ADAMTS12: variants seen among roughly 807,000 people sequenced by gnomAD.
ADAMTS12 encodes ADAM metallopeptidase with thrombospondin type 1 motif 12.
In ADAMTS12, 118 loss-of-function variants were observed where a neutral mutation model predicts 167.8. That is an observed-to-expected ratio of 0.70 (90% confidence interval 0.61 to 0.82). ADAMTS12 has a LOEUF of 0.82. Among genes scored for constraint, ADAMTS12 ranks in the 40% least tolerant of loss-of-function variants. The probability of loss-of-function intolerance (pLI) is 0.00; values close to 1 mark genes in which losing one functional copy is unlikely to be tolerated. For synonymous variants in ADAMTS12, 704 were observed against 716.9 expected (o/e 0.98, Z 0.29); for missense variants, 1,916 against 1,998.8 (o/e 0.96, Z 0.79).
chr5:33,656,780 CTGTT>C (rs1371478314), intron 7 of ADAMTS12, among the ~76,000 whole-genome samples: 2 of 152,174 alleles, frequency 1.3e-5, no homozygotes, highest in South Asian at 2.1e-4. Context: ...GGACTCCTGT[CTGTT>C]TGTGCATAAC....
At chr5:33,870,562 C>G (rs148890575) in intron 2 of ADAMTS12, among the ~76,000 whole-genome samples, 15 of 152,214 alleles carry the variant, frequency 9.9e-5, no homozygotes, top group African/African-American at 3.4e-4. Context: ...ACTTGGGAAA[C>G]TGTTGAGAAG....
At chr5:33,880,260 C>T (rs959404840) in intron 2 of ADAMTS12, among the ~76,000 whole-genome samples, 3 of 152,188 alleles carry the variant, frequency 2.0e-5, no homozygotes, top group Non-Finnish European at 4.4e-5. Flanking sequence ...CATAGTAAAC[C>T]ACATATCCCA....
intron 16 of ADAMTS12, among the ~76,000 whole-genome samples, chr5:33,607,226 G>C (rs1292331061): frequency 6.6e-5 from 10 of 152,042 alleles, no homozygotes; most frequent in South Asian, 2.1e-4. Flanking sequence ...CCAATGCAAT[G>C]CAATGCAATG....
intron 3 of ADAMTS12, among the ~76,000 whole-genome samples, chr5:33,707,439 T>A (rs1004633697): frequency 6.6e-6 from 1 of 152,096 alleles, no homozygotes; most frequent in African/African-American, 2.4e-5. Flanking sequence ...CTTCACAGAA[T>A]TAGGAAAAAC....
chr5:33,809,948 A>G (rs1030064823), intron 2 of ADAMTS12, among the ~76,000 whole-genome samples: 2 of 150,026 alleles, frequency 1.3e-5, no homozygotes, highest in African/African-American at 2.5e-5. Context: ...GTACCAAAGA[A>G]GTAAAAGGCA....
chr5:33,723,129 A>G (rs1743862300), intron 3 of ADAMTS12, among the ~76,000 whole-genome samples: 1 of 152,058 alleles, frequency 6.6e-6, no homozygotes, highest in African/African-American at 2.4e-5. Flanking sequence ...CTTGCTCTAA[A>G]TGCCTTGCTC....
chr5:33,706,873 A>T (rs1743220618), intron 3 of ADAMTS12, among the ~76,000 whole-genome samples: 1 of 152,204 alleles, frequency 6.6e-6, no homozygotes. Context: ...AGCTGCAAGC[A>T]TTCCCTTTGA....
At chr5:33,787,791 T>C (rs1746382588) in intron 2 of ADAMTS12, among the ~76,000 whole-genome samples, 1 of 152,224 alleles carries the variant, frequency 6.6e-6, no homozygotes, top group Admixed American at 6.5e-5. Flanking sequence ...CAGTTTCCCA[T>C]ACAGAAAAGA....
chr5:33,630,947 T>A, intron 12 of ADAMTS12, 34 bp from the exon 13 acceptor site: 1 of 1,603,000 alleles, frequency 6.2e-7, no homozygotes, highest in South Asian at 1.1e-5. Context: ...GCCTTGCAAA[T>A]TAGCTTTTAG....
chr5:33,543,258 C>T (rs1372165950), intron 22 of ADAMTS12, among the ~76,000 whole-genome samples: 10 of 151,938 alleles, frequency 6.6e-5, no homozygotes, highest in Non-Finnish European at 1.5e-4. Flanking sequence ...AACTGGAAAA[C>T]CCAGATAAAA....
At chr5:33,581,992 C>T (rs1434166377) in intron 18 of ADAMTS12, among the ~76,000 whole-genome samples, 2 of 152,098 alleles carry the variant, frequency 1.3e-5, no homozygotes, top group African/African-American at 4.8e-5. Context: ...ATTCATCCTC[C>T]CAGCTTTCAG....
chr5:33,557,365 AG>A (rs762481826), intron 20 of ADAMTS12, among the ~76,000 whole-genome samples: 37 of 152,372 alleles, frequency 2.4e-4, no homozygotes, highest in Non-Finnish European at 5.0e-4. Context: ...AGGCAAAACC[AG>A]GGATCCTCTT....
At chr5:33,535,034 G>A (rs374754807) in intron 22 of ADAMTS12, 42 bp from the exon 23 acceptor site, 30 of 1,543,396 alleles carry the variant, frequency 1.9e-5, no homozygotes, top group South Asian at 2.5e-5. Flanking sequence ...TCCTCCCCAC[G>A]ACTCCCAAGG....
intron 12 of ADAMTS12, 64 bp from the exon 13 acceptor site, chr5:33,630,977 A>T: frequency 1.3e-6 from 2 of 1,589,360 alleles, no homozygotes; most frequent in Non-Finnish European, 1.7e-6. Flanking sequence ...CTCCCCCAGG[A>T]TTCCTCCGTA....
chr5:33,534,768 T>C, intron 23 of ADAMTS12, 65 bp downstream of exon 23: 2 of 1,533,672 alleles, frequency 1.3e-6, no homozygotes, highest in East Asian at 2.3e-5. Context: ...TATCTACAAG[T>C]TGTATCATGC....
intron 2 of ADAMTS12, among the ~76,000 whole-genome samples, chr5:33,861,610 A>G (rs1032278289): frequency 2.6e-5 from 4 of 152,202 alleles, no homozygotes; most frequent in African/African-American, 9.7e-5. Flanking sequence ...TCAATATGAG[A>G]CAGATCAATG....
At chr5:33,573,732 C>A (rs961953941) in intron 19 of ADAMTS12, among the ~76,000 whole-genome samples, 3 of 152,080 alleles carry the variant, frequency 2.0e-5, no homozygotes, top group African/African-American at 7.2e-5. Context: ...CAACAAAAGC[C>A]AAAATTGACA....
At chr5:33,643,018 C>T (rs6866763) in intron 10 of ADAMTS12, among the ~76,000 whole-genome samples, 18,124 of 152,114 alleles carry the variant, frequency 0.12, 1,219 homozygotes, top group South Asian at 0.33. Flanking sequence ...GAAAAGAAGC[C>T]GCTGGCTTAT....
At chr5:33,557,203 C>A (rs1301751399) in intron 20 of ADAMTS12, among the ~76,000 whole-genome samples, 1 of 152,134 alleles carries the variant, frequency 6.6e-6, no homozygotes, top group South Asian at 2.1e-4. Flanking sequence ...CCCTGTCATC[C>A]TATGAGAATT....
Sources: gnomAD v4.1 joint callset for allele counts (sites outside exome capture counted in the v4.1 genomes callset) on GRCh38, gnomAD v4.1.1 for gene constraint, MANE v1.5 for transcripts, NCBI Gene and HGNC (gene_info 2026-07-23, HGNC 2026-07-21) for gene names.